EPHB1: variants seen among roughly 807,000 people sequenced by gnomAD.
EPHB1 encodes the protein EPH receptor B1, also known as ephrin type-B receptor 1.
Under a neutral mutation model 94.4 loss-of-function variants are expected in EPHB1, and 30 were observed. The ratio of observed to expected loss-of-function variants is 0.32; its 90% CI spans 0.24 to 0.43. The LOEUF is 0.43. Among genes scored for constraint, EPHB1 ranks in the 20% least tolerant of loss-of-function variants. The pLI is 1.00. For missense variants in EPHB1, 1,055 were observed against 1,308.3 expected, an observed-to-expected ratio of 0.81 and a Z score of 2.99; for synonymous variants, 522 against 489.1, an observed-to-expected ratio of 1.07 and a Z score of -0.89.
chr3:134,965,832 C>A (rs189569406), intron 3 of EPHB1, among the ~76,000 whole-genome samples: 38 of 152,062 alleles, frequency 2.5e-4, no homozygotes, highest in Non-Finnish European at 5.9e-5. Context: ...CCTCAGTGCA[C>A]AAATCACACT....
At chr3:134,948,330 A>T (rs1245581286) in intron 2 of EPHB1, among the ~76,000 whole-genome samples, 1 of 34,568 alleles carries the variant, frequency 2.9e-5, no homozygotes, top group Non-Finnish European at 5.4e-5. Flanking sequence ...GCAGAACAGT[A>T]AAAAAAAAAA....
intron 1 of EPHB1, among the ~76,000 whole-genome samples, chr3:134,864,446 C>A (rs953956234): frequency 6.6e-6 from 1 of 152,188 alleles, no homozygotes; most frequent in Non-Finnish European, 1.5e-5. Flanking sequence ...CTCCTGCTGT[C>A]CTTGGCCTTT....
At chr3:135,205,088 C>T (rs1451716680) in intron 12 of EPHB1, among the ~76,000 whole-genome samples, 1 of 151,818 alleles carries the variant, frequency 6.6e-6, no homozygotes, top group African/African-American at 2.4e-5. Context: ...GCATAATGAC[C>T]TTCAATTGCA....
intron 3 of EPHB1, among the ~76,000 whole-genome samples, chr3:135,021,613 G>T (rs1485197545): frequency 6.6e-6 from 1 of 151,380 alleles, no homozygotes; most frequent in African/African-American, 2.4e-5. Flanking sequence ...CCAAAGCGAT[G>T]ATTATTTTTT....
At chr3:134,799,695 C>T (rs1356654403) in intron 1 of EPHB1, among the ~76,000 whole-genome samples, 2 of 152,194 alleles carry the variant, frequency 1.3e-5, no homozygotes, top group Non-Finnish European at 2.9e-5. Context: ...GTGTCCGGCT[C>T]CAGCCCCTTC....
At chr3:134,982,847 A>G (rs1488692311) in intron 3 of EPHB1, among the ~76,000 whole-genome samples, 2 of 152,036 alleles carry the variant, frequency 1.3e-5, no homozygotes, top group African/African-American at 2.4e-5. Flanking sequence ...TATAGCAATT[A>G]TGGCTAGCCT....
intron 3 of EPHB1, among the ~76,000 whole-genome samples, chr3:134,955,103 T>TTTTA (rs1559770507): frequency 2.5e-4 from 11 of 44,508 alleles, no homozygotes; most frequent in Non-Finnish European, 3.7e-4. Context: ...TTTTTTTTTT[T>TTTTA]AATTTTTTTT....
chr3:135,038,831 G>C (rs1436724845), intron 3 of EPHB1, among the ~76,000 whole-genome samples: 1 of 152,128 alleles, frequency 6.6e-6, no homozygotes, highest in Non-Finnish European at 1.5e-5. Flanking sequence ...AGCTTCCACA[G>C]TGTGGAAGGG....
At chr3:135,205,354 C>T (rs559692755) in intron 12 of EPHB1, among the ~76,000 whole-genome samples, 1 of 152,214 alleles carries the variant, frequency 6.6e-6, no homozygotes, top group Non-Finnish European at 1.5e-5. Context: ...TACTCCTTTG[C>T]CTGCCATGTG....
chr3:134,973,297 G>T (rs1934050436), intron 3 of EPHB1, among the ~76,000 whole-genome samples: 1 of 152,142 alleles, frequency 6.6e-6, no homozygotes, highest in Non-Finnish European at 1.5e-5. Flanking sequence ...GAAGGGCAGG[G>T]TTGACCAACA....
At chr3:134,894,811 A>C (rs1209916313) in intron 1 of EPHB1, among the ~76,000 whole-genome samples, 1 of 152,218 alleles carries the variant, frequency 6.6e-6, no homozygotes, top group African/African-American at 2.4e-5. Flanking sequence ...AAACACATTG[A>C]AGAGCCAAGT....
At chr3:134,899,628 C>A (rs1028310287) in intron 1 of EPHB1, among the ~76,000 whole-genome samples, 3 of 152,162 alleles carry the variant, frequency 2.0e-5, no homozygotes, top group African/African-American at 7.2e-5. Flanking sequence ...TCAAAACACA[C>A]TCTTAGACTT....
intron 1 of EPHB1, among the ~76,000 whole-genome samples, chr3:134,909,115 C>CGGGGG (rs1250648426): frequency 2.2e-5 from 2 of 92,810 alleles, no homozygotes; most frequent in African/African-American, 8.9e-5. Context: ...AAGGTGGGGG[C>CGGGGG]GGGGGGCGGG....
intron 1 of EPHB1, among the ~76,000 whole-genome samples, chr3:134,821,520 G>A (rs983033589): frequency 5.9e-5 from 9 of 152,042 alleles, no homozygotes; most frequent in Non-Finnish European, 1.3e-4. Flanking sequence ...AAGATAAAAG[G>A]TGGATGGGGT....
At chr3:135,038,058 A>G (rs957881873) in intron 3 of EPHB1, among the ~76,000 whole-genome samples, 7 of 152,184 alleles carry the variant, frequency 4.6e-5, no homozygotes, top group Admixed American at 2.0e-4. Flanking sequence ...TCCTGCAAGT[A>G]TGCTTCTCCC....
chr3:134,827,231 CT>C (rs1299498118), intron 1 of EPHB1, among the ~76,000 whole-genome samples: 1 of 152,188 alleles, frequency 6.6e-6, no homozygotes, highest in Non-Finnish European at 1.5e-5. Flanking sequence ...TATGGTAATG[CT>C]GGGATCTGGC....
At chr3:135,257,456 G>A (rs1933450452) in intron 15 of EPHB1, among the ~76,000 whole-genome samples, 1 of 152,050 alleles carries the variant, frequency 6.6e-6, no homozygotes, top group Non-Finnish European at 1.5e-5. Context: ...TCAGCTGCAG[G>A]TCTGTTGGAG....
chr3:134,873,983 T>TGTG (rs1199078499), intron 1 of EPHB1, among the ~76,000 whole-genome samples: 2 of 152,004 alleles, frequency 1.3e-5, no homozygotes, highest in Non-Finnish European at 2.9e-5. Context: ...ACAAAAATGT[T>TGTG]GACATAAGCA....
At chr3:134,923,543 C>A (rs375971449) in intron 1 of EPHB1, among the ~76,000 whole-genome samples, 1 of 152,166 alleles carries the variant, frequency 6.6e-6, no homozygotes, top group African/African-American at 2.4e-5. Context: ...ATTGGCCACT[C>A]CCTCACCTCC....
Sources: gnomAD v4.1 joint callset for allele counts (sites outside exome capture counted in the v4.1 genomes callset) on GRCh38, gnomAD v4.1.1 for gene constraint, MANE v1.5 for transcripts, NCBI Gene and HGNC (gene_info 2026-07-23, HGNC 2026-07-21) for gene names.